The following WARS1 variants were observed in gnomAD, a reference collection of about 807,000 sequenced individuals.
WARS1 encodes tryptophanyl-tRNA synthetase 1, also known as tryptophan--tRNA ligase, cytoplasmic.
A neutral mutation model predicts 47.8 loss-of-function variants in WARS1; 17 were observed. That is an observed-to-expected ratio of 0.36 (90% CI 0.24 to 0.53). The LOEUF is 0.53. Among genes scored for constraint, WARS1 ranks in the 20% least tolerant of loss-of-function variants. The pLI is 0.91. For missense variants in WARS1, 434 were observed against 608.0 expected (o/e 0.71, Z 3.01); for synonymous variants, 208 against 228.1 (o/e 0.91, Z 0.79).
intron 4 of WARS1, among the ~76,000 whole-genome samples, chr14:100,356,404 G>GC (rs1258117814): frequency 2.7e-5 from 4 of 149,334 alleles, no homozygotes; most frequent in East Asian, 2.0e-4. Flanking sequence ...TGTGTGGGGG[G>GC]GGGTGTGGAA....
chr14:100,342,073 C>T, intron 9 of WARS1: 1 of 347,200 alleles, frequency 2.9e-6, no homozygotes, highest in South Asian at 2.4e-5. Flanking sequence ...TTAATAACAT[C>T]CACACTAATT....
At chr14:100,360,763 A>C (rs1595447349) in intron 3 of WARS1, 101 bp from the exon 4 acceptor site, 4 of 825,146 alleles carry the variant, frequency 4.8e-6, no homozygotes, top group Non-Finnish European at 7.7e-6. Context: ...GCACAATCTT[A>C]ATGAACACAA....
intron 6 of WARS1, among the ~76,000 whole-genome samples, chr14:100,349,858 T>G (rs1388681040): frequency 2.0e-5 from 3 of 152,248 alleles, no homozygotes; most frequent in African/African-American, 7.2e-5. Flanking sequence ...TTCCAGCTCC[T>G]AAACACCAGG....
chr14:100,350,166 C>T (rs528712028), intron 6 of WARS1, among the ~76,000 whole-genome samples: 9 of 76,962 alleles, frequency 1.2e-4, no homozygotes, highest in South Asian at 6.3e-4. Context: ...GTGGTCGAGG[C>T]GGGTGGATCA....
intron 4 of WARS1, among the ~76,000 whole-genome samples, chr14:100,359,222 G>A (rs1412981750): frequency 2.0e-5 from 3 of 152,156 alleles, no homozygotes; most frequent in Non-Finnish European, 2.9e-5. Flanking sequence ...TATACAAATG[G>A]TCAGAGCAGC....
intron 4 of WARS1, among the ~76,000 whole-genome samples, chr14:100,357,255 C>T (rs1273361082): frequency 3.3e-5 from 5 of 151,908 alleles, no homozygotes; most frequent in Admixed American, 1.3e-4. Flanking sequence ...CACTACTATT[C>T]AACATCCTAT....
chr14:100,352,417 T>C (rs1217968491), intron 6 of WARS1, among the ~76,000 whole-genome samples: 1 of 152,126 alleles, frequency 6.6e-6, no homozygotes, highest in African/African-American at 2.4e-5. Context: ...CGCGCCTGGC[T>C]GCCACTACTC....
intron 4 of WARS1, among the ~76,000 whole-genome samples, chr14:100,357,884 A>G (rs1182312387): frequency 1.3e-5 from 2 of 152,232 alleles, no homozygotes; most frequent in African/African-American, 4.8e-5. Flanking sequence ...TGCAAAACCT[A>G]TACACTGAAA....
chr14:100,339,031 G>A (rs989773517), intron 9 of WARS1, among the ~76,000 whole-genome samples: 3 of 151,812 alleles, frequency 2.0e-5, no homozygotes, highest in Non-Finnish European at 2.9e-5. Context: ...GCTTGAACCC[G>A]GGAGGCGGAG....
intron 4 of WARS1, among the ~76,000 whole-genome samples, chr14:100,355,345 C>T (rs970091104): frequency 3.3e-5 from 5 of 151,936 alleles, no homozygotes; most frequent in South Asian, 2.1e-4. Flanking sequence ...CTCAGCCTCC[C>T]GAGTAGCTGG....
At chr14:100,336,288 A>AAAAG (rs1566831963) in intron 10 of WARS1, among the ~76,000 whole-genome samples, 1 of 150,798 alleles carries the variant, frequency 6.6e-6, no homozygotes, top group African/African-American at 2.4e-5. Flanking sequence ...AAAAAAAAAA[A>AAAAG]AAAGAAAGAA....
Position 100,373,761 on chromosome 14 carries a change from T to C in WARS1, c.-74+1522A>G, listed in dbSNP as rs142901576. ...TGGGAATGAAATTAGACTGAGGAAA[T>C]AGCAGATGATCATGATCACAAGGCA... On this transcript the variant is annotated intron_variant, in intron 1 of 10. Coordinates refer to ENST00000392882, the MANE Select transcript of WARS1 (RefSeq NM_004184.4). This position sits in a 1 kb window ranked among gnomAD's most constrained non-coding sequence, Gnocchi z 4.4. 4.4e-4 allele frequency among the ~76,000 whole-genome samples: 67 copies of C among 152,082 alleles called. 1 individual carries two copies. In the East Asian group the frequency reaches 0.012, roughly 28 times the overall value.
At chr14:100,353,147 A>G (rs1895099821) in intron 6 of WARS1, 1 of 152,242 alleles carries the variant, frequency 6.6e-6, no homozygotes, top group African/African-American at 2.4e-5. Flanking sequence ...GGAGACAATA[A>G]TCGAGTCTTT....
At chr14:100,361,592 T>C in intron 3 of WARS1, 116 bp downstream of exon 3, 1 of 1,067,288 alleles carries the variant, frequency 9.4e-7, no homozygotes, top group Non-Finnish European at 1.4e-6. Flanking sequence ...TTTCTTGGCA[T>C]TGAAGCTTCA....
intron 1 of WARS1, among the ~76,000 whole-genome samples, chr14:100,370,782 G>GAAAAAAA (rs34312584): frequency 6.9e-6 from 1 of 145,764 alleles, no homozygotes; most frequent in Non-Finnish European, 1.5e-5. Flanking sequence ...ACAAAAAAAT[G>GAAAAAAA]AAAAAAAAAA....
chr14:100,345,270 G>T (rs867966252), intron 7 of WARS1, among the ~76,000 whole-genome samples: 39 of 152,014 alleles, frequency 2.6e-4, no homozygotes, highest in South Asian at 4.1e-4. Flanking sequence ...TCGGATGGTT[G>T]CCGTGTCTGT....
In WARS1 at chr14:100,334,776, T is replaced by C. The variant is rs1174997325; in HGVS notation, c.*99A>G. 5 of 1,437,878 alleles carry C rather than the reference T, an allele frequency of 3.5e-6. No individual in the cohort carries two copies. The highest frequency in any genetic ancestry group is 1.4e-5 in the African/African-American group (1 of 70,872). The allele number at this position is 1,437,878 out of a possible 1,614,324, so 89.1% of individuals were successfully genotyped here. On this transcript the variant is annotated 3_prime_UTR_variant, in exon 11 of 11. Transcript: ENST00000392882. ...CAGAGGCCAGGCCCAGTAATTACCATGAGACAGAAGCCTACAGGTGGCGGT... is the reference window on the plus strand; with the variant it reads ...CAGAGGCCAGGCCCAGTAATTACCACGAGACAGAAGCCTACAGGTGGCGGT...
At chr14:100,337,472 C>T (rs1272318204) in intron 9 of WARS1, among the ~76,000 whole-genome samples, 2 of 152,052 alleles carry the variant, frequency 1.3e-5, no homozygotes, top group South Asian at 2.1e-4. Context: ...CTCGGAGACA[C>T]AGGAGAATAG....
intron 10 of WARS1, among the ~76,000 whole-genome samples, chr14:100,335,742 ATAAAG>A (rs1371816094): frequency 6.6e-6 from 1 of 152,144 alleles, no homozygotes; most frequent in East Asian, 1.9e-4. Context: ...AGCAAATTTA[ATAAAG>A]TACCCAAACC....
Sources: allele counts gnomAD v4.1 joint callset (sites outside exome capture counted in the v4.1 genomes callset), GRCh38; gene constraint gnomAD v4.1.1; non-coding constraint Gnocchi (gnomAD v3.1); transcripts MANE v1.5; gene names NCBI Gene and HGNC (gene_info 2026-07-23, HGNC 2026-07-21).